Variants in ARSJ observed in about 807,000 individuals in gnomAD.
ARSJ encodes the protein arylsulfatase J.
Under a neutral mutation model 35.9 loss-of-function variants are expected in ARSJ, and 26 were observed. That is an observed-to-expected ratio of 0.72 (90% CI 0.53 to 1.00). The LOEUF is 1.00. Among genes scored for constraint, ARSJ ranks in the 50% least tolerant of loss-of-function variants. The pLI is 0.00. For synonymous variants in ARSJ, 294 were observed against 267.6 expected (o/e 1.10, Z -0.96); for missense variants, 667 against 723.6 (o/e 0.92, Z 0.90).
In ARSJ at chr4:113,938,299, A is replaced by G. The variant is rs185573453; in HGVS notation, c.399-34624T>C. Among the ~76,000 whole-genome samples the G allele has an allele frequency of 5.1e-4, 78 of 152,290 alleles. 1 individual carries two copies. The highest frequency in any genetic ancestry group is 1.6e-3 in the African/African-American group (65 of 41,584). Reference sequence around the variant, plus strand: ...ACAAGCAATGGGAAAAAGATTCCCTATGTAATAAATGGTGCTGGGAGAACT... The same window carrying G: ...ACAAGCAATGGGAAAAAGATTCCCTGTGTAATAAATGGTGCTGGGAGAACT... On this transcript the variant is annotated intron_variant, in intron 1 of 1. Coordinates refer to ENST00000315366, the MANE Select transcript of ARSJ (RefSeq NM_024590.4).
At chr4:113,954,309 A>C (rs1726036899) in intron 1 of ARSJ, among the ~76,000 whole-genome samples, 1 of 152,064 alleles carries the variant, frequency 6.6e-6, no homozygotes, top group Admixed American at 6.6e-5. Context: ...TTTTCTTAGC[A>C]GATTTCTCTG....
intron 1 of ARSJ, among the ~76,000 whole-genome samples, chr4:113,930,646 A>G (rs566979505): frequency 6.6e-6 from 1 of 152,220 alleles, no homozygotes; most frequent in East Asian, 1.9e-4. Flanking sequence ...AAGTATAAAT[A>G]CCATTTGACC....
intron 1 of ARSJ, among the ~76,000 whole-genome samples, chr4:113,905,498 C>T (rs949038882): frequency 6.6e-6 from 1 of 152,064 alleles, no homozygotes; most frequent in African/African-American, 2.4e-5. Context: ...TATTGCAAAG[C>T]AGCATTCACA....
chr4:113,902,013 T>A lies in ARSJ; in HGVS notation c.*261A>T, dbSNP rs1365827552. On this transcript the variant is annotated 3_prime_UTR_variant, in exon 2 of 2. Coordinates refer to ENST00000315366, the MANE Select transcript of ARSJ (RefSeq NM_024590.4). Reference sequence around the variant, plus strand: ...GAAGCACAGCAGTGGAACTCAGGACTCACCACGTTTTCTAAAGGAGCAAGA... The same window carrying A: ...GAAGCACAGCAGTGGAACTCAGGACACACCACGTTTTCTAAAGGAGCAAGA... The A allele has an allele frequency of 3.0e-6, 3 of 995,566 alleles. No individual in the cohort carries two copies. Among genetic ancestry groups the A allele is most frequent in the Non-Finnish European group, 4.2e-6 (3 of 707,950 alleles). The allele number at this position is 995,566 out of a possible 1,614,324, so 61.7% of individuals were successfully genotyped here. A position where few individuals can be genotyped will look rare whatever the true frequency, so the allele number is the denominator to read the frequency against.
intron 1 of ARSJ, among the ~76,000 whole-genome samples, chr4:113,926,560 A>C (rs1724079563): frequency 6.6e-6 from 1 of 152,112 alleles, no homozygotes; most frequent in Non-Finnish European, 1.5e-5. Context: ...TGGGGGAGGT[A>C]GGAGGAAGGC....
chr4:113,970,325 T>C (rs1457519743), intron 1 of ARSJ: 3 of 152,236 alleles, frequency 2.0e-5, no homozygotes, highest in African/African-American at 7.2e-5. Flanking sequence ...TTAAGTCACA[T>C]AAGTTTAGGT....
chr4:113,906,591 T>C (rs1488073984), intron 1 of ARSJ: 1 of 321,184 alleles, frequency 3.1e-6, no homozygotes, highest in Admixed American at 3.8e-5. Flanking sequence ...TTCCAGCCTC[T>C]ATGGTGGAAT....
At chr4:113,906,367 AAAAG>A (rs1375805867) in intron 1 of ARSJ, among the ~76,000 whole-genome samples, 1 of 152,248 alleles carries the variant, frequency 6.6e-6, no homozygotes, top group Non-Finnish European at 1.5e-5. Flanking sequence ...TTGCAGAAAA[AAAAG>A]AAAGTAAGAA....
At chr4:113,937,134 C>A (rs1475438555) in intron 1 of ARSJ, among the ~76,000 whole-genome samples, 1 of 151,870 alleles carries the variant, frequency 6.6e-6, no homozygotes, top group African/African-American at 2.4e-5. Flanking sequence ...TTCAGTGGTA[C>A]TGGGAAGATT....
chr4:113,953,797 T>G (rs973507826), intron 1 of ARSJ, among the ~76,000 whole-genome samples: 3 of 152,056 alleles, frequency 2.0e-5, no homozygotes, highest in Admixed American at 6.6e-5. Context: ...AAAAGGATTT[T>G]AAAAGCACTG....
At chr4:113,929,375 G>A (rs1204966044) in intron 1 of ARSJ, among the ~76,000 whole-genome samples, 2 of 152,172 alleles carry the variant, frequency 1.3e-5, no homozygotes, top group Non-Finnish European at 2.9e-5. Flanking sequence ...GTTGCCTCAG[G>A]CAGCACAGGG....
At chr4:113,911,754 C>T (rs1411851124) in intron 1 of ARSJ, among the ~76,000 whole-genome samples, 1 of 151,980 alleles carries the variant, frequency 6.6e-6, no homozygotes, top group African/African-American at 2.4e-5. Context: ...GTCAGATATC[C>T]ACTTGGAAAT....
At position 113,918,935 on chromosome 4, in the gene ARSJ, C is replaced by T. The variant is rs543894757; in HGVS notation, c.399-15260G>A. Among the ~76,000 whole-genome samples the T allele has an allele frequency of 3.2e-4, 48 of 152,088 alleles. 1 individual carries two copies. The East Asian group carries it at 4.3e-3, about 13-fold the overall frequency. ...AGCCTCCTGAGTAGCTGATACTAAG[C>T]GCGCATGTCGCCATGCCCAGAACAT... On this transcript the variant is annotated intron_variant, in intron 1 of 1. Coordinates refer to ENST00000315366, the MANE Select transcript of ARSJ (RefSeq NM_024590.4).
chr4:113,959,857 C>A (rs1050683040), intron 1 of ARSJ, among the ~76,000 whole-genome samples: 1 of 151,980 alleles, frequency 6.6e-6, no homozygotes, highest in African/African-American at 2.4e-5. Context: ...ATATTCCCAA[C>A]CTTGTATTTT....
At chr4:113,916,738 T>C (rs1393327043) in intron 1 of ARSJ, among the ~76,000 whole-genome samples, 2 of 152,206 alleles carry the variant, frequency 1.3e-5, no homozygotes, top group African/African-American at 4.8e-5. Context: ...GTTCAACCCA[T>C]GGAGTTGCTT....
chr4:113,911,433 G>A (rs901128250), intron 1 of ARSJ, among the ~76,000 whole-genome samples: 2 of 152,150 alleles, frequency 1.3e-5, no homozygotes, highest in African/African-American at 2.4e-5. Flanking sequence ...AGAATGGATT[G>A]GAGTGGAACA....
Position 113,902,179 on chromosome 4 carries a change from C to T in ARSJ, c.*95G>A. 1 of 1,599,028 alleles carries T rather than the reference C, an allele frequency of 6.3e-7. No individual in the cohort carries two copies. Among genetic ancestry groups the T allele is most frequent in the Non-Finnish European group, 8.5e-7 (1 of 1,179,890 alleles). On this transcript the variant is annotated 3_prime_UTR_variant, in exon 2 of 2. Coordinates refer to ENST00000315366, the MANE Select transcript of ARSJ (RefSeq NM_024590.4). ...ATGAAAACAAGCCTGACGCTTAGGC[C>T]AGCGATATTATCGAGCCAAATTTGC... is the stretch of plus-strand genomic sequence containing the variant.
intron 1 of ARSJ, among the ~76,000 whole-genome samples, chr4:113,909,605 C>T (rs1156964751): frequency 6.6e-6 from 1 of 152,212 alleles, no homozygotes; most frequent in Non-Finnish European, 1.5e-5. Flanking sequence ...GGTTGGCTCT[C>T]ATTTCTCTCT....
rs1283816624 is a variant in ARSJ at position 113,902,488 on chromosome 4, G to C, written c.1586C>G (p.Thr529Ser). The change falls in exon 2 of 2, where the codon ACT (threonine) becomes AGT (serine). Residue 529 changes from threonine (T) to serine (S), a missense_variant. Thr to Ser is a moderately conservative substitution (Grantham distance 58). Coordinates refer to ENST00000315366, the MANE Select transcript of ARSJ (RefSeq NM_024590.4). ...GGGGGGATACCTGACCGGCACTGCA[G>C]TTTTGTTGAACTGTGAGAGCCTCCG... ...LLRRLSQFNK[T>S]AVPVRYPPKD... 6.2e-7 allele frequency: 1 copy of C among 1,614,174 alleles called. No individual in the cohort carries two copies. Among genetic ancestry groups the C allele is most frequent in the Non-Finnish European group, 8.5e-7 (1 of 1,180,036 alleles).
Sources: gnomAD v4.1 joint callset for allele counts (sites outside exome capture counted in the v4.1 genomes callset) on GRCh38, gnomAD v4.1.1 for gene constraint, MANE v1.5 for transcripts, NCBI Gene and HGNC (gene_info 2026-07-23, HGNC 2026-07-21) for gene names.